ALMS1: variants seen among roughly 807,000 people sequenced by gnomAD.
ALMS1 encodes the protein centrosome-associated protein ALMS1.
In ALMS1, 271 loss-of-function variants were observed where a neutral mutation model predicts 352.2. The ratio of observed to expected loss-of-function variants is 0.77; its 90% CI spans 0.70 to 0.85. The LOEUF is 0.85. Ranked by LOEUF, ALMS1 falls within the 40% of genes least tolerant of loss-of-function variation. ALMS1 has a pLI of 0.00. For missense variants in ALMS1, 5,445 were observed against 4,870.7 expected, an observed-to-expected ratio of 1.12 and a Z score of -3.51; for synonymous variants, 1,865 against 1,761.2, an observed-to-expected ratio of 1.06 and a Z score of -1.48.
In ALMS1 at chr2:73,505,355, T is replaced by C. The variant is rs185304945; in HGVS notation, c.9539+13857T>C. 7.4e-4 allele frequency among the ~76,000 whole-genome samples: 113 copies of C among 152,274 alleles called. 2 individuals carry two copies. The highest frequency in any genetic ancestry group is 2.6e-3 in the African/African-American group (107 of 41,580). On this transcript the variant is annotated intron_variant, in intron 10 of 22. Transcript: ENST00000613296. Reference sequence around the variant, plus strand: ...TTCCACCAACAGCATAAAAGCATTCTTGTTTCTCCACATCCTCTCCAGCAT... The same window carrying C: ...TTCCACCAACAGCATAAAAGCATTCCTGTTTCTCCACATCCTCTCCAGCAT...
chr2:73,488,887 T>G (rs934640378), intron 9 of ALMS1, among the ~76,000 whole-genome samples: 3 of 152,174 alleles, frequency 2.0e-5, no homozygotes, highest in Non-Finnish European at 4.4e-5. Context: ...AAGGTCTTGG[T>G]TTTTTCCCCC....
At position 73,608,508 on chromosome 2, in the gene ALMS1, GA is replaced by G; in HGVS notation, c.12397del (p.Arg4133GlufsTer24). 1 of 1,613,980 alleles carries G rather than the reference GA, an allele frequency of 6.2e-7. No homozygotes were observed. Among genetic ancestry groups the G allele is most frequent in the Non-Finnish European group, 8.5e-7 (1 of 1,179,910 alleles). On this transcript the variant is annotated frameshift_variant, in exon 22 of 23. Transcript: ENST00000613296. LOFTEE classifies it high-confidence loss of function. ...AGCAGCTTCCAGAAGTACAGAAAAA[GA>G]GAGAAGAAGAGAAGAGAAAATCAGA... is the stretch of plus-strand genomic sequence containing the variant. ...YEQLPEVQKKREEEKRKSEYK... is the reference protein window; with the variant it reads ...YEQLPEVQKKXEEEKRKSEYK...
At chr2:73,557,912 C>G (rs1039747949) in intron 14 of ALMS1, among the ~76,000 whole-genome samples, 22 of 152,266 alleles carry the variant, frequency 1.4e-4, no homozygotes, top group Admixed American at 5.2e-4. Flanking sequence ...GGTAAGCATC[C>G]AGAGTTGACC....
Position 73,401,772 on chromosome 2 carries a change from C to T in ALMS1, c.325-6850C>T, listed in dbSNP as rs575372103. On this transcript the variant is annotated intron_variant, in intron 1 of 22. Coordinates refer to ENST00000613296, the MANE Select transcript of ALMS1 (RefSeq NM_001378454.1). ...TATTAACTATAGTACTTATATTTTA[C>T]GTTGAATTGCTAAACTTGCTGATCC... is the stretch of plus-strand genomic sequence containing the variant. 7.9e-5 allele frequency among the ~76,000 whole-genome samples: 12 copies of T among 151,914 alleles called. No homozygotes were observed. In the South Asian group the frequency reaches 1.0e-3, roughly 13 times the overall value.
In ALMS1 at chr2:73,573,267, A is replaced by C; in HGVS notation, c.11390A>C (p.Glu3797Ala). The C allele has an allele frequency of 6.2e-7, 1 of 1,613,968 alleles. No individual in the cohort carries two copies. The highest frequency in any genetic ancestry group is 8.5e-7 in the Non-Finnish European group (1 of 1,179,874). ...CGGCTGATTCAAGCTTTTGGCCATG[A>C]AAGAGTATGCTTGTCACCCAGACGA... is the stretch of plus-strand genomic sequence containing the variant. ...TARLIQAFGH[E>A]RVCLSPRRIK... Residue 3797 changes from glutamate to alanine, a missense_variant, in exon 16 of 23, where the codon GAA becomes GCA. Coordinates refer to ENST00000613296, the MANE Select transcript of ALMS1 (RefSeq NM_001378454.1).
intron 16 of ALMS1, among the ~76,000 whole-genome samples, chr2:73,593,149 G>A (rs1396867908): frequency 2.0e-5 from 3 of 149,046 alleles, no homozygotes; most frequent in Admixed American, 6.7e-5. Flanking sequence ...TAAGGAAAGT[G>A]AACTGTTTTG....
chr2:73,409,288 A>G (rs1437477529), intron 2 of ALMS1, among the ~76,000 whole-genome samples: 1 of 151,956 alleles, frequency 6.6e-6, no homozygotes, highest in Non-Finnish European at 1.5e-5. Context: ...TAGTTTAAAA[A>G]TTTTTTATAG....
chr2:73,599,294 A>G, intron 16 of ALMS1, 107 bp from the exon 17 acceptor site: 1 of 1,439,232 alleles, frequency 6.9e-7, no homozygotes, highest in South Asian at 1.2e-5. Flanking sequence ...AATGCATCTC[A>G]ACAGTTTGAA....
At chr2:73,389,037 T>C (rs1042364802) in intron 1 of ALMS1, among the ~76,000 whole-genome samples, 2 of 152,136 alleles carry the variant, frequency 1.3e-5, no homozygotes, top group African/African-American at 4.8e-5. Flanking sequence ...TCCATAGGAG[T>C]TGAACAATTT....
At chr2:73,596,879 C>CTT (rs1308774026) in intron 16 of ALMS1, among the ~76,000 whole-genome samples, 8 of 74,386 alleles carry the variant, frequency 1.1e-4, no homozygotes, top group South Asian at 4.7e-4. Context: ...TTTTTTTTTT[C>CTT]TTTTTTTTTT....
At chr2:73,430,467 G>A (rs1328671746) in intron 6 of ALMS1, among the ~76,000 whole-genome samples, 1 of 152,032 alleles carries the variant, frequency 6.6e-6, no homozygotes, top group Admixed American at 6.5e-5. Context: ...TTTTCTTTCT[G>A]TGTTTGAAAG....
At chr2:73,408,595 CTATT>C (rs1271021782) in intron 1 of ALMS1, 23 bp from the exon 2 acceptor site, 1 of 1,608,034 alleles carries the variant, frequency 6.2e-7, no homozygotes, top group Admixed American at 1.7e-5. Flanking sequence ...TGTTATTACT[CTATT>C]TAAGCCTGCT....
At chr2:73,519,706 T>G in intron 10 of ALMS1, 69 bp from the exon 11 acceptor site, 1 of 1,603,702 alleles carries the variant, frequency 6.2e-7, no homozygotes, top group Non-Finnish European at 8.5e-7. Flanking sequence ...GAAACCACTT[T>G]TGGAAAGAGA....
At chr2:73,539,840 A>G (rs1454119641) in intron 12 of ALMS1, among the ~76,000 whole-genome samples, 1 of 151,784 alleles carries the variant, frequency 6.6e-6, no homozygotes, top group Non-Finnish European at 1.5e-5. Flanking sequence ...GAATAAAAAG[A>G]AACAAAGCCT....
intron 17 of ALMS1, 80 bp from the exon 18 acceptor site, chr2:73,600,598 G>T: frequency 2.3e-6 from 3 of 1,287,450 alleles, no homozygotes; most frequent in Non-Finnish European, 3.2e-6. Flanking sequence ...CATTAAAAAG[G>T]GTTCACGTAC....
intron 10 of ALMS1, among the ~76,000 whole-genome samples, chr2:73,508,624 A>G (rs904362422): frequency 6.6e-6 from 1 of 152,108 alleles, no homozygotes; most frequent in Non-Finnish European, 1.5e-5. Flanking sequence ...TATGTGGTCA[A>G]TTTTAGAATA....
intron 10 of ALMS1, among the ~76,000 whole-genome samples, chr2:73,500,827 G>C (rs1423689010): frequency 6.6e-6 from 1 of 152,062 alleles, no homozygotes; most frequent in African/African-American, 2.4e-5. Flanking sequence ...GCCTGCTTCT[G>C]TTATTTTCCA....
At chr2:73,464,242 C>T (rs1672274767) in intron 9 of ALMS1, among the ~76,000 whole-genome samples, 1 of 152,176 alleles carries the variant, frequency 6.6e-6, no homozygotes, top group African/African-American at 2.4e-5. Context: ...AAAAGCTTAT[C>T]CACCATGATC....
rs760731440 is a variant in ALMS1, at chr2:73,558,978, G to GTGCTGC, written c.10230_10235dup (p.Ala3411_Ala3412dup). On this transcript the variant is annotated inframe_insertion, in exon 15 of 23. Transcript: ENST00000613296. ...GTTAATTTCCCTTTCGTAGATTCCA[G>GTGCTGC]TGCTGCTGCTGCTGCAGAGCACTCA... 1.9e-6 allele frequency: 3 copies of GTGCTGC among 1,613,880 alleles called. No homozygotes were observed. The highest frequency in any genetic ancestry group is 2.5e-6 in the Non-Finnish European group (3 of 1,179,892).
Sources: gnomAD v4.1 joint callset for allele counts (sites outside exome capture counted in the v4.1 genomes callset) on GRCh38, gnomAD v4.1.1 for gene constraint, MANE v1.5 for transcripts, NCBI Gene and HGNC (gene_info 2026-07-23, HGNC 2026-07-21) for gene names.